WDFY3: variants seen among roughly 807,000 people sequenced by gnomAD.
The protein encoded by WDFY3 is WD repeat and FYVE domain-containing protein 3.
A neutral mutation model predicts 409.6 loss-of-function variants in WDFY3; 66 were observed. The observed-to-expected ratio is 0.16, with a 90% CI of 0.13 to 0.20. The LOEUF is 0.20. WDFY3 is among the 10% of genes least tolerant of loss of function. The pLI is 1.00. For synonymous variants in WDFY3, 1,521 were observed against 1,537.1 expected (o/e 0.99, Z 0.25); for missense variants, 3,031 against 4,298.1 (o/e 0.71, Z 8.24).
At chr4:84,957,858 G>A (rs747956927) in intron 1 of WDFY3, among the ~76,000 whole-genome samples, 5 of 152,232 alleles carry the variant, frequency 3.3e-5, no homozygotes, top group Admixed American at 6.5e-5. Context: ...ATCTATTAGT[G>A]TTACAGTTAT....
intron 3 of WDFY3, among the ~76,000 whole-genome samples, chr4:84,878,888 G>A (rs184825548): frequency 3.9e-5 from 6 of 152,296 alleles, no homozygotes; most frequent in Non-Finnish European, 5.9e-5. Flanking sequence ...CTCTGTGTTT[G>A]CATCCCCACC....
intron 35 of WDFY3, among the ~76,000 whole-genome samples, chr4:84,752,957 C>T (rs191042500): frequency 1.7e-4 from 26 of 152,238 alleles, no homozygotes; most frequent in East Asian, 7.7e-4. Flanking sequence ...GTAGTTCATT[C>T]GTTTTGAAAA....
intron 2 of WDFY3, among the ~76,000 whole-genome samples, chr4:84,907,062 T>C (rs1298103421): frequency 6.6e-6 from 1 of 152,174 alleles, no homozygotes; most frequent in Non-Finnish European, 1.5e-5. Flanking sequence ...AACCTGTAGA[T>C]ATGGAGGGCT....
chr4:84,740,523 C>G, intron 38 of WDFY3, 107 bp from the exon 39 acceptor site: 1 of 1,044,852 alleles, frequency 9.6e-7, no homozygotes, highest in Non-Finnish European at 1.4e-6. Flanking sequence ...AGATGCCATG[C>G]TAAGTATGCA....
chr4:84,900,292 C>G (rs948070588), intron 2 of WDFY3, among the ~76,000 whole-genome samples: 1 of 152,108 alleles, frequency 6.6e-6, no homozygotes, highest in African/African-American at 2.4e-5. Context: ...GTGGTACAAT[C>G]ATAGCTCACT....
chr4:84,864,365 CAA>C (rs35016773), intron 3 of WDFY3, among the ~76,000 whole-genome samples: 4 of 32,556 alleles, frequency 1.2e-4, no homozygotes, highest in Non-Finnish European at 1.3e-4. Flanking sequence ...GACTCCATCT[CAA>C]AAAAAAAAAA....
In WDFY3 at chr4:84,676,260, C is replaced by T. The variant is rs541711242; in HGVS notation, c.10457+939G>A. The stretch of plus-strand genomic sequence containing the variant: ...AGTACCCAAAAGGAAACCCAAATAG[C>T]CAACAAACATGAAAAGATGTTGTCT... On this transcript the variant is annotated intron_variant, in intron 67 of 67. Coordinates refer to ENST00000295888, the MANE Select transcript of WDFY3 (RefSeq NM_014991.6). Among the ~76,000 whole-genome samples, 174 of 152,218 alleles carry T rather than the reference C, an allele frequency of 1.1e-3. 2 individuals carry two copies. Among genetic ancestry groups the T allele is most frequent in the Non-Finnish European group, 2.4e-4 (16 of 68,002 alleles).
intron 3 of WDFY3, among the ~76,000 whole-genome samples, chr4:84,868,603 G>T (rs114586662): frequency 1.5e-3 from 227 of 152,196 alleles, no homozygotes; most frequent in African/African-American, 5.0e-3. Flanking sequence ...ATTTTTTGGT[G>T]TGCTTAATTT....
rs1735744016 is a variant in WDFY3 at position 84,726,860 on chromosome 4, C to G, written c.7272+1G>C. 6.3e-7 allele frequency: 1 copy of G among 1,599,462 alleles called. No individual in the cohort carries two copies. ...TTCTTTTACTGTAATTTGTGTTTTA[C>G]CTTTTGAGGAATATCATCGGGTGTC... On this transcript the variant is annotated splice_donor_variant, in intron 45 of 67. Coordinates refer to ENST00000295888, the MANE Select transcript of WDFY3 (RefSeq NM_014991.6). LOFTEE classifies it high-confidence loss of function.
chr4:84,939,678 T>C lies in WDFY3; in HGVS notation c.-225-7315A>G, dbSNP rs143872022. 6.6e-3 allele frequency among the ~76,000 whole-genome samples: 1,009 copies of C among 152,176 alleles called. 12 individuals carry two copies. Among genetic ancestry groups the C allele is most frequent in the African/African-American group, 0.023 (953 of 41,516 alleles). Reference sequence around the variant, plus strand: ...CTTGATTATTAAATTATCTCAAATTTGGCTAGCAGGAATGCCAATAGGCTT... The same window carrying C: ...CTTGATTATTAAATTATCTCAAATTCGGCTAGCAGGAATGCCAATAGGCTT... On this transcript the variant is annotated intron_variant, in intron 1 of 67. Transcript: ENST00000295888.
chr4:84,735,228 G>T, intron 42 of WDFY3, 108 bp from the exon 43 acceptor site: 1 of 1,033,590 alleles, frequency 9.7e-7, no homozygotes, highest in Non-Finnish European at 1.4e-6. Context: ...TCTGCCAAAA[G>T]CACCAAAACA....
At chr4:84,951,921 T>C (rs1416724552) in intron 1 of WDFY3, among the ~76,000 whole-genome samples, 1 of 152,188 alleles carries the variant, frequency 6.6e-6, no homozygotes, top group African/African-American at 2.4e-5. Context: ...AAAAAGTAGT[T>C]CATTTTTGAT....
intron 5 of WDFY3, among the ~76,000 whole-genome samples, chr4:84,849,328 A>G (rs940201216): frequency 2.0e-5 from 3 of 152,096 alleles, no homozygotes; most frequent in Non-Finnish European, 4.4e-5. Flanking sequence ...GAGAAGAAAA[A>G]CAGTAGTTCA....
intron 1 of WDFY3, among the ~76,000 whole-genome samples, chr4:84,948,881 T>A (rs1388304928): frequency 1.3e-5 from 2 of 152,166 alleles, no homozygotes; most frequent in African/African-American, 4.8e-5. Flanking sequence ...TGGCCACTCA[T>A]ACATATATAA....
At chr4:84,789,570 T>C (rs1223704574) in intron 22 of WDFY3, among the ~76,000 whole-genome samples, 156 bp downstream of exon 22, 1 of 151,954 alleles carries the variant, frequency 6.6e-6, no homozygotes, top group Non-Finnish European at 1.5e-5. Flanking sequence ...TCTAACATAT[T>C]ATTCAAATGG....
chr4:84,964,920 G>A (rs1775434115), intron 1 of WDFY3, among the ~76,000 whole-genome samples: 1 of 152,194 alleles, frequency 6.6e-6, no homozygotes, highest in Non-Finnish European at 1.5e-5. Context: ...ATGGTTCAAA[G>A]TATTAACATA....
chr4:84,913,538 G>A (rs916750448), intron 2 of WDFY3, among the ~76,000 whole-genome samples: 1 of 151,958 alleles, frequency 6.6e-6, no homozygotes, highest in African/African-American at 2.4e-5. Context: ...AAGACAACTT[G>A]ATGAAGATGA....
intron 50 of WDFY3, among the ~76,000 whole-genome samples, chr4:84,714,065 G>A (rs746674476): frequency 1.3e-5 from 2 of 151,812 alleles, no homozygotes; most frequent in Non-Finnish European, 2.9e-5. Context: ...GCAGTGAGCC[G>A]AGATTGCGCC....
intron 2 of WDFY3, among the ~76,000 whole-genome samples, chr4:84,914,484 T>C (rs1019995386): frequency 4.6e-5 from 7 of 151,556 alleles, no homozygotes; most frequent in South Asian, 4.2e-4. Flanking sequence ...TTTGGGAGAG[T>C]CAAAAGTTAT....
Sources: allele counts gnomAD v4.1 joint callset (sites outside exome capture counted in the v4.1 genomes callset), GRCh38; gene constraint gnomAD v4.1.1; transcripts MANE v1.5; gene names NCBI Gene and HGNC (gene_info 2026-07-23, HGNC 2026-07-21).